PRKCA: variants seen among roughly 807,000 people sequenced by gnomAD.
PRKCA encodes protein kinase C alpha type.
In PRKCA, 27 loss-of-function variants were observed where a neutral mutation model predicts 87.0. That is an observed-to-expected ratio of 0.31 (90% CI 0.23 to 0.43). The LOEUF (loss-of-function observed/expected upper bound fraction) is 0.43, where lower values mean the gene tolerates loss of function less well. Ranked by LOEUF, PRKCA falls within the 20% of genes least tolerant of loss-of-function variation. The probability of loss-of-function intolerance (pLI) is 1.00; values close to 1 mark genes in which losing one functional copy is unlikely to be tolerated. For missense variants in PRKCA, 518 were observed against 852.3 expected, an observed-to-expected ratio of 0.61 and a Z score of 4.88; for synonymous variants, 329 against 311.1, an observed-to-expected ratio of 1.06 and a Z score of -0.61.
At chr17:66,391,048 T>A (rs1416425733) in intron 2 of PRKCA, among the ~76,000 whole-genome samples, 3 of 152,170 alleles carry the variant, frequency 2.0e-5, no homozygotes, top group Non-Finnish European at 4.4e-5. Context: ...CATGGACTCA[T>A]CTTCAGCAAA....
At chr17:66,421,686 C>A (rs1912505662) in intron 2 of PRKCA, among the ~76,000 whole-genome samples, 1 of 151,140 alleles carries the variant, frequency 6.6e-6, no homozygotes, top group African/African-American at 2.4e-5. Flanking sequence ...GCACCCGCCA[C>A]CAGGCCTGGC....
At chr17:66,798,856 G>GAT in intron 16 of PRKCA, among the ~76,000 whole-genome samples, 1 of 150,398 alleles carries the variant, frequency 6.6e-6, no homozygotes, top group Non-Finnish European at 1.5e-5. Context: ...TGGTGGTGGT[G>GAT]GTGGTGGTGG....
chr17:66,441,086 C>T (rs770804837), intron 2 of PRKCA, among the ~76,000 whole-genome samples: 3 of 146,798 alleles, frequency 2.0e-5, no homozygotes, highest in Non-Finnish European at 4.4e-5. Flanking sequence ...TCCTTGGACC[C>T]GGGAGACGGA....
At chr17:66,385,446 A>G (rs938596121) in intron 2 of PRKCA, among the ~76,000 whole-genome samples, 1 of 152,346 alleles carries the variant, frequency 6.6e-6, no homozygotes, top group Non-Finnish European at 1.5e-5. Flanking sequence ...ATGTTATTTT[A>G]TAGGGCATTG....
intron 8 of PRKCA, among the ~76,000 whole-genome samples, chr17:66,695,287 G>C (rs1315784848): frequency 2.0e-5 from 3 of 152,214 alleles, no homozygotes; most frequent in Non-Finnish European, 4.4e-5. Flanking sequence ...AGGACAAGTG[G>C]TGAAGACCAC....
At chr17:66,450,464 A>T (rs1400317944) in intron 2 of PRKCA, among the ~76,000 whole-genome samples, 1 of 152,166 alleles carries the variant, frequency 6.6e-6, no homozygotes, top group Non-Finnish European at 1.5e-5. Flanking sequence ...GAAGACGGCC[A>T]TGTCCCACAG....
intron 2 of PRKCA, among the ~76,000 whole-genome samples, chr17:66,456,562 C>T (rs1169465213): frequency 6.6e-6 from 1 of 152,168 alleles, no homozygotes. Flanking sequence ...CTAAAACTCT[C>T]GAACATCTAG....
At chr17:66,654,021 G>C (rs1449388808) in intron 5 of PRKCA, among the ~76,000 whole-genome samples, 1 of 152,154 alleles carries the variant, frequency 6.6e-6, no homozygotes, top group Admixed American at 6.5e-5. Context: ...ATTTTCCCTG[G>C]GGAGAGGCAC....
intron 3 of PRKCA, among the ~76,000 whole-genome samples, chr17:66,517,162 T>C (rs1467357299): frequency 6.6e-6 from 1 of 152,100 alleles, no homozygotes. Flanking sequence ...TGCGCACCTG[T>C]AGTCCCAGCT....
intron 2 of PRKCA, among the ~76,000 whole-genome samples, chr17:66,397,448 A>T (rs1451995014): frequency 1.3e-5 from 2 of 151,910 alleles, no homozygotes; most frequent in African/African-American, 4.8e-5. Context: ...TAGATGGTGG[A>T]TGTGTCATTT....
At chr17:66,787,246 T>C in intron 15 of PRKCA, 2 of 589,672 alleles carry the variant, frequency 3.4e-6, no homozygotes, top group South Asian at 1.5e-5. Context: ...AATATGGTGA[T>C]TGAGGATTTA....
chr17:66,606,008 G>A (rs868617665), intron 3 of PRKCA, among the ~76,000 whole-genome samples: 14 of 152,134 alleles, frequency 9.2e-5, no homozygotes, highest in African/African-American at 2.9e-4. Context: ...GATAATGGGA[G>A]CACACTGTAT....
At chr17:66,548,814 T>A (rs1968233690) in intron 3 of PRKCA, among the ~76,000 whole-genome samples, 1 of 152,010 alleles carries the variant, frequency 6.6e-6, no homozygotes, top group Admixed American at 6.5e-5. Context: ...GCAAGTTTTT[T>A]TTTTTTTGAA....
chr17:66,712,496 G>A (rs1973356045), intron 8 of PRKCA, among the ~76,000 whole-genome samples: 1 of 152,208 alleles, frequency 6.6e-6, no homozygotes, highest in Admixed American at 6.5e-5. Context: ...GCTGAAAAGG[G>A]AAGTAATGAG....
intron 2 of PRKCA, among the ~76,000 whole-genome samples, chr17:66,448,700 A>C (rs1914158761): frequency 6.6e-6 from 1 of 152,132 alleles, no homozygotes; most frequent in South Asian, 2.1e-4. Context: ...ATATGATTTG[A>C]TTTACACCAA....
rs186614304 is a variant in PRKCA at position 66,354,415 on chromosome 17, G to A, written c.205+48288G>A. ...TGGTTTAATCAATACTGTTGGTGGT[G>A]TAAATGGATGAATGGTGGCCATTCT... On this transcript the variant is annotated intron_variant, in intron 2 of 16. Coordinates refer to ENST00000413366, the MANE Select transcript of PRKCA (RefSeq NM_002737.3). Among the ~76,000 whole-genome samples, 18 of 152,332 alleles carry A rather than the reference G, an allele frequency of 1.2e-4. No homozygotes were observed. In the East Asian group the frequency reaches 3.5e-3, roughly 29 times the overall value.
In PRKCA at chr17:66,443,824, G is replaced by A. The variant is rs143814620; in HGVS notation, c.206-52377G>A. ...TGAAAAAGAATGTTCTCTGCTTGCA[G>A]AGGCAGTGAATTAGGCTGGCAAGGT... On this transcript the variant is annotated intron_variant, in intron 2 of 16. Coordinates refer to ENST00000413366, the MANE Select transcript of PRKCA (RefSeq NM_002737.3). Among the ~76,000 whole-genome samples the A allele has an allele frequency of 5.4e-3, 825 of 152,262 alleles. 6 individuals are homozygous for A. Among genetic ancestry groups the A allele is most frequent in the African/African-American group, 0.019 (799 of 41,544 alleles).
intron 13 of PRKCA, among the ~76,000 whole-genome samples, chr17:66,743,837 A>G (rs1001763685): frequency 6.6e-6 from 1 of 152,216 alleles, no homozygotes; most frequent in Non-Finnish European, 1.5e-5. Context: ...CAGTAGGGAT[A>G]GTGAAAAAGG....
At chr17:66,377,572 A>G (rs1425793931) in intron 2 of PRKCA, among the ~76,000 whole-genome samples, 1 of 147,300 alleles carries the variant, frequency 6.8e-6, no homozygotes, top group East Asian at 1.9e-4. Flanking sequence ...TACATATATA[A>G]TATCTATATT....
Sources: allele counts gnomAD v4.1 joint callset (sites outside exome capture counted in the v4.1 genomes callset), GRCh38; gene constraint gnomAD v4.1.1; transcripts MANE v1.5; gene names NCBI Gene and HGNC (gene_info 2026-07-23, HGNC 2026-07-21).